The following BEND7 variants were observed in gnomAD, a reference collection of about 807,000 sequenced individuals.
BEND7 encodes BEN domain containing 7.
In BEND7, 28 loss-of-function variants were observed where a neutral mutation model predicts 50.9. The ratio of observed to expected loss-of-function variants is 0.55; its 90% CI spans 0.41 to 0.75. BEND7 has a LOEUF of 0.75. Ranked by LOEUF, BEND7 falls within the 30% of genes least tolerant of loss-of-function variation. The probability of loss-of-function intolerance (pLI) is 0.00; values close to 1 mark genes in which losing one functional copy is unlikely to be tolerated. For missense variants in BEND7, 477 were observed against 491.3 expected (o/e 0.97, Z 0.28); for synonymous variants, 170 against 183.9 (o/e 0.92, Z 0.61).
At chr10:13,504,887 T>A (rs1029806627) in intron 2 of BEND7, among the ~76,000 whole-genome samples, 1 of 152,166 alleles carries the variant, frequency 6.6e-6, no homozygotes, top group Admixed American at 6.5e-5. Flanking sequence ...CTCTACTAGA[T>A]CACGTTCCTT....
chr10:13,440,939 TCTTTA>T, downstream of BEND7: 2 of 334,968 alleles, frequency 6.0e-6, no homozygotes, highest in Non-Finnish European at 4.2e-6. Flanking sequence ...CTAGGTGGTC[TCTTTA>T]TTTTTAAAAA....
At chr10:13,488,811 T>C (rs954408765) in intron 5 of BEND7, among the ~76,000 whole-genome samples, 1 of 152,178 alleles carries the variant, frequency 6.6e-6, no homozygotes, top group Non-Finnish European at 1.5e-5. Flanking sequence ...AGATCTGAAA[T>C]TTAGTTTTGG....
chr10:13,498,207 C>G (rs1302823103), intron 3 of BEND7, among the ~76,000 whole-genome samples: 1 of 151,514 alleles, frequency 6.6e-6, no homozygotes, highest in African/African-American at 2.4e-5. Context: ...CCCCAAGTAG[C>G]TGGGACTACA....
At chr10:13,527,263 T>G (rs1341223076) in intron 1 of BEND7, among the ~76,000 whole-genome samples, 2 of 152,202 alleles carry the variant, frequency 1.3e-5, no homozygotes, top group African/African-American at 4.8e-5. Flanking sequence ...AAGAGCCAAG[T>G]ATTTTGAATG....
At chr10:13,460,604 G>C (rs1407433500) in intron 6 of BEND7, among the ~76,000 whole-genome samples, 4 of 152,176 alleles carry the variant, frequency 2.6e-5, no homozygotes, top group African/African-American at 9.7e-5. Flanking sequence ...ATGCCCCTCA[G>C]CCTCAGCACA....
chr10:13,478,449 CAA>C (rs2075618364), intron 6 of BEND7, among the ~76,000 whole-genome samples: 1 of 152,166 alleles, frequency 6.6e-6, no homozygotes, highest in Admixed American at 6.5e-5. Flanking sequence ...ATATTTAAGA[CAA>C]AGTGTGTCCT....
chr10:13,474,395 C>T (rs898615382), intron 6 of BEND7, among the ~76,000 whole-genome samples: 4 of 151,506 alleles, frequency 2.6e-5, no homozygotes, highest in African/African-American at 4.9e-5. Flanking sequence ...CTGTTAGACT[C>T]GGGGCTGATA....
intron 6 of BEND7, among the ~76,000 whole-genome samples, chr10:13,471,180 C>T (rs371193463): frequency 1.6e-4 from 25 of 152,326 alleles, no homozygotes; most frequent in South Asian, 1.5e-3. Context: ...TAGGGGTCAT[C>T]GCTGACATGT....
chr10:13,442,513 T>TC (rs1232735293), intron 8 of BEND7: 1 of 152,216 alleles, frequency 6.6e-6, no homozygotes, highest in Admixed American at 6.5e-5. Context: ...TGGCAAGATA[T>TC]CTTTTTAAAA....
At chr10:13,473,630 G>A (rs968756654) in intron 6 of BEND7, among the ~76,000 whole-genome samples, 13 of 135,670 alleles carry the variant, frequency 9.6e-5, no homozygotes, top group South Asian at 2.6e-4. Flanking sequence ...ACTCAGGGCC[G>A]ATTCGTCATC....
At chr10:13,475,136 T>C (rs1349936109) in intron 6 of BEND7, among the ~76,000 whole-genome samples, 7 of 152,154 alleles carry the variant, frequency 4.6e-5, no homozygotes, top group Non-Finnish European at 8.8e-5. Flanking sequence ...TCTTTGTCAC[T>C]GGGCCTTCAT....
chr10:13,527,101 GT>G (rs1208773660), intron 1 of BEND7, among the ~76,000 whole-genome samples: 3 of 152,156 alleles, frequency 2.0e-5, no homozygotes, highest in Admixed American at 2.0e-4. Flanking sequence ...AAGCAGTTAA[GT>G]TCTCTGAGGT....
In BEND7 at chr10:13,481,066, G is replaced by A. The variant is rs768901330; in HGVS notation, c.896C>T (p.Ser299Phe). 4.6e-5 allele frequency: 74 copies of A among 1,613,944 alleles called. No individual in the cohort carries two copies. The highest frequency in any genetic ancestry group is 6.1e-5 in the Non-Finnish European group (72 of 1,180,010). The change falls in exon 6 of 9, where the codon TCT (serine) becomes TTT (phenylalanine). Residue 299 changes from serine to phenylalanine, a missense_variant. Ser to Phe is a radical substitution (Grantham distance 155). Around this residue, in one of 3 missense-constraint regions of BEND7, gnomAD observed 396 missense variants for 384.2 expected, o/e 1.03. Coordinates refer to ENST00000466271, the MANE Select transcript of BEND7 (RefSeq NM_001369863.1). ...TGAGCGAGTGTAGTTTGACAATATA[G>A]AGTCCAGCTGAGATTTAGGCATAAA... ...DVFMPKSQLD[S>F]ILSNYTRSGS...
At position 13,524,342 on chromosome 10, in the gene BEND7, T is replaced by C. The variant is rs530974265; in HGVS notation, c.145+1796A>G. Among the ~76,000 whole-genome samples, 159 of 152,256 alleles carry C rather than the reference T, an allele frequency of 1.0e-3. 3 individuals carry two copies. The highest frequency in any genetic ancestry group is 2.4e-4 in the Non-Finnish European group (16 of 68,008). On this transcript the variant is annotated intron_variant, in intron 2 of 8. Coordinates refer to ENST00000466271, the MANE Select transcript of BEND7 (RefSeq NM_001369863.1). Reference sequence around the variant, plus strand: ...GCTATATAGAGTGGTACTTTGATAATACAAAATTCCAGCTGACCAACCAGG... The same window carrying C: ...GCTATATAGAGTGGTACTTTGATAACACAAAATTCCAGCTGACCAACCAGG...
Position 13,481,100 on chromosome 10 carries a change from A to G in BEND7, c.862T>C (p.Phe288Leu). ...TGAGATTTAGGCATAAACACGTCAA[A>G]GCCTTCAGCAAGTTGTACTTCTGGC... ...SDPEVQLAEG[F>L]DVFMPKSQLD... is the part of the protein sequence containing the mutation. Residue 288 changes from phenylalanine (F) to leucine (L), a missense_variant, in exon 6 of 9, where the codon TTT (phenylalanine) becomes CTT (leucine). By Grantham distance (22) the Phe-to-Leu change is conservative. Coordinates refer to ENST00000466271, the MANE Select transcript of BEND7 (RefSeq NM_001369863.1). 6.2e-7 allele frequency: 1 copy of G among 1,614,066 alleles called. No individual in the cohort carries two copies. The highest frequency in any genetic ancestry group is 1.1e-5 in the South Asian group (1 of 91,036).
At chr10:13,513,289 T>C (rs2078418877) in intron 2 of BEND7, among the ~76,000 whole-genome samples, 1 of 152,154 alleles carries the variant, frequency 6.6e-6, no homozygotes, top group South Asian at 2.1e-4. Context: ...TCCTCCATGC[T>C]CTTCCTGGAT....
intron 2 of BEND7, among the ~76,000 whole-genome samples, chr10:13,501,265 T>C (rs149265239): frequency 6.8e-6 from 1 of 146,758 alleles, no homozygotes; most frequent in East Asian, 2.1e-4. Context: ...TCCCAGCTAC[T>C]CACAAGGCTG....
chr10:13,439,628 C>G, downstream of BEND7: 1 of 850,254 alleles, frequency 1.2e-6, no homozygotes, highest in South Asian at 2.0e-5. Flanking sequence ...CAGCCAGAAA[C>G]TTGGTGTCAG....
At chr10:13,440,574 C>T (rs1326570674), downstream of BEND7, among the ~76,000 whole-genome samples, 1 of 152,236 alleles carries the variant, frequency 6.6e-6, no homozygotes, top group Non-Finnish European at 1.5e-5. Flanking sequence ...TTCCAGCCCG[C>T]TGGTGCGGCC....
Sources: gnomAD v4.1 joint callset for allele counts (sites outside exome capture counted in the v4.1 genomes callset) on GRCh38, gnomAD v4.1.1 for gene constraint, gnomAD v4.1.1 regional missense constraint, MANE v1.5 for transcripts, NCBI Gene and HGNC (gene_info 2026-07-23, HGNC 2026-07-21) for gene names.